The following AZI2 variants were observed in gnomAD, a reference collection of about 807,000 sequenced individuals.
AZI2 encodes 5-azacytidine induced 2.
Under a neutral mutation model 45.8 loss-of-function variants are expected in AZI2, and 22 were observed. That is an observed-to-expected ratio of 0.48 (90% CI 0.34 to 0.69). The LOEUF (loss-of-function observed/expected upper bound fraction) is 0.69, where lower values mean the gene tolerates loss of function less well. AZI2 is among the 30% of genes least tolerant of loss of function. The pLI, the probability that AZI2 is intolerant of heterozygous loss-of-function variation, is 0.01. For missense variants in AZI2, 417 were observed against 441.5 expected (o/e 0.94, Z 0.50); for synonymous variants, 137 against 156.7 (o/e 0.87, Z 0.94).
rs1210681846 is a variant in AZI2, at chr3:28,322,045, T to G, written c.*1997A>C. The G allele has an allele frequency of 6.6e-6, 1 of 151,300 alleles. No individual in the cohort carries two copies. The highest frequency in any genetic ancestry group is 1.5e-5 in the Non-Finnish European group (1 of 67,464). The allele number at this position is 151,300 out of a possible 1,614,324, so 9.4% of individuals were successfully genotyped here. ...AGATGGGCCACTGTTTTTTGGTTGT[T>G]TGAATTTTACCTAGAACAGAGATAT... On this transcript the variant is annotated 3_prime_UTR_variant, in exon 8 of 8. Transcript: ENST00000479665.
At chr3:28,341,008 A>C (rs1703995751) in intron 1 of AZI2, among the ~76,000 whole-genome samples, 1 of 152,030 alleles carries the variant, frequency 6.6e-6, no homozygotes, top group African/African-American at 2.4e-5. Context: ...ATTTCCACTT[A>C]GATCTATTAG....
chr3:28,326,504 T>TTC (rs1703396777), intron 7 of AZI2: 1 of 175,486 alleles, frequency 5.7e-6, no homozygotes, highest in South Asian at 1.4e-4. Flanking sequence ...TTTTTTTTTT[T>TTC]TCAAATATAT....
intron 1 of AZI2, 99 bp from the exon 2 acceptor site, chr3:28,340,721 G>T: frequency 2.1e-6 from 2 of 938,946 alleles, no homozygotes; most frequent in Non-Finnish European, 3.1e-6. Context: ...CTAGGACAAT[G>T]TTTAAAAACC....
At position 28,338,584 on chromosome 3, in the gene AZI2, G is replaced by C. The variant is rs200830891; in HGVS notation, c.248C>G (p.Ser83Cys). 4.3e-6 allele frequency: 7 copies of C among 1,610,064 alleles called. No homozygotes were observed. Among genetic ancestry groups the C allele is most frequent in the Non-Finnish European group, 5.9e-6 (7 of 1,178,004 alleles). The change falls in exon 3 of 8, where the codon TCC (serine) becomes TGC (cysteine). Residue 83 changes from serine to cysteine, a missense_variant. Coordinates refer to ENST00000479665, the MANE Select transcript of AZI2 (RefSeq NM_022461.5). Reference sequence around the variant, plus strand: ...CTTATTTACTTGTTCTCGTCCCACGGAACTTGTTTCTTCTTCAAATCGAGC... The same window carrying C: ...CTTATTTACTTGTTCTCGTCCCACGCAACTTGTTTCTTCTTCAAATCGAGC... The part of the protein sequence containing the change: ...LIARFEEETS[S>C]VGREQVNKAY...
intron 6 of AZI2, chr3:28,331,943 C>T (rs1452962440): frequency 1.3e-6 from 2 of 1,534,746 alleles, no homozygotes; most frequent in Admixed American, 2.0e-5. Context: ...GGCTGTGCTA[C>T]AGATACTCTG....
chr3:28,327,075 A>C, intron 6 of AZI2, 125 bp from the exon 7 acceptor site: 1 of 640,174 alleles, frequency 1.6e-6, no homozygotes, highest in South Asian at 2.0e-5. Flanking sequence ...TAAACTGAAA[A>C]AAACAATTGA....
intron 2 of AZI2, among the ~76,000 whole-genome samples, chr3:28,339,631 T>A (rs1162581855): frequency 2.0e-5 from 3 of 152,188 alleles, no homozygotes; most frequent in Non-Finnish European, 4.4e-5. Flanking sequence ...AAGTTTTTTT[T>A]ATATAGGATA....
chr3:28,339,684 G>A (rs999729950), intron 2 of AZI2, among the ~76,000 whole-genome samples: 2 of 151,978 alleles, frequency 1.3e-5, no homozygotes. Flanking sequence ...ACAGGACAAT[G>A]CATTCTTTAC....
Position 28,340,415 on chromosome 3 carries a change from A to C in AZI2, c.203T>G (p.Phe68Cys). The change falls in exon 2 of 8, where the codon TTT becomes TGT. Residue 68 changes from phenylalanine (F) to cysteine (C), a missense_variant. Transcript: ENST00000479665. ...GATAAAAATTACCTTTTCTTCCAAA[A>C]ATCTTATTCTCTTCTTTAACAAAGA... ...ENSLLKKRIR[F>C]LEEKLIARFE... 1 of 1,585,418 alleles carries C rather than the reference A, an allele frequency of 6.3e-7. No homozygotes were observed.
intron 6 of AZI2, 155 bp from the exon 7 acceptor site, chr3:28,327,105 TTAA>T (rs1196779795): frequency 1.0e-5 from 6 of 571,706 alleles, no homozygotes; most frequent in African/African-American, 1.9e-5. Flanking sequence ...AACTAGGGCA[TTAA>T]TAAGTGAAAA....
At chr3:28,331,998 C>G in intron 6 of AZI2, 1 of 1,193,604 alleles carries the variant, frequency 8.4e-7, no homozygotes. Context: ...CATGCTATCC[C>G]AAAGACTAAC....
intron 5 of AZI2, among the ~76,000 whole-genome samples, chr3:28,336,513 A>G (rs1394661947): frequency 2.0e-5 from 3 of 152,090 alleles, no homozygotes; most frequent in Non-Finnish European, 2.9e-5. Context: ...ACCTTTTAAA[A>G]AACAAAATTG....
intron 1 of AZI2, among the ~76,000 whole-genome samples, chr3:28,342,414 G>GCTA (rs1487925428): frequency 1.3e-5 from 2 of 151,932 alleles, no homozygotes; most frequent in Non-Finnish European, 2.9e-5. Flanking sequence ...AATAGACTAT[G>GCTA]CTATCTACAG....
chr3:28,338,222 T>TAA (rs547484899), intron 3 of AZI2, among the ~76,000 whole-genome samples, 186 bp from the exon 4 acceptor site: 1 of 141,364 alleles, frequency 7.1e-6, no homozygotes, highest in African/African-American at 2.6e-5. Flanking sequence ...TTCACTGGCT[T>TAA]AAAAAAAAAA....
At chr3:28,334,274 TGAGCTAGA>T (rs1013128808) in intron 5 of AZI2, among the ~76,000 whole-genome samples, 1 of 151,868 alleles carries the variant, frequency 6.6e-6, no homozygotes, top group Non-Finnish European at 1.5e-5. Context: ...TAGACTAATG[TGAGCTAGA>T]GTAATATGGC....
At position 28,321,848 on chromosome 3, in the gene AZI2, A is replaced by T. The variant is rs1458062527; in HGVS notation, c.*2194T>A. ...AGCTAATAAGGGAGCAAGAGGAAGGAATAGGTGGCTTTTTGTTATGTTTTC... is the reference window on the plus strand; with the variant it reads ...AGCTAATAAGGGAGCAAGAGGAAGGTATAGGTGGCTTTTTGTTATGTTTTC... On this transcript the variant is annotated 3_prime_UTR_variant, in exon 8 of 8. Coordinates refer to ENST00000479665, the MANE Select transcript of AZI2 (RefSeq NM_022461.5). 1 of 151,344 alleles carries T rather than the reference A, an allele frequency of 6.6e-6. No individual in the cohort carries two copies. Among genetic ancestry groups the T allele is most frequent in the Non-Finnish European group, 1.5e-5 (1 of 67,516 alleles). 9.4% of individuals were successfully genotyped at this position (151,344 alleles called of 1,614,324 possible).
rs1703207873 is a variant in AZI2 at position 28,322,229 on chromosome 3, A to G, written c.*1813T>C. 1 of 151,274 alleles carries G rather than the reference A, an allele frequency of 6.6e-6. No individual in the cohort carries two copies. The highest frequency in any genetic ancestry group is 6.6e-5 in the Admixed American group (1 of 15,114). The allele number at this position is 151,274 out of a possible 1,614,324, so 9.4% of individuals were successfully genotyped here. A position where few individuals can be genotyped will look rare whatever the true frequency, so the allele number is the denominator to read the frequency against. On this transcript the variant is annotated 3_prime_UTR_variant, in exon 8 of 8. Transcript: ENST00000479665. ...TAGCTATCATCACTGTACTGTTTAA[A>G]TGGAAAATAATTTTCTCCACTCAAA...
At chr3:28,338,095 G>T in intron 3 of AZI2, 59 bp from the exon 4 acceptor site, 1 of 959,350 alleles carries the variant, frequency 1.0e-6, no homozygotes, top group East Asian at 2.8e-5. Flanking sequence ...TTGGTATATT[G>T]TAATTTTCAG....
At chr3:28,331,117 G>A (rs1703553908) in intron 6 of AZI2, among the ~76,000 whole-genome samples, 1 of 151,224 alleles carries the variant, frequency 6.6e-6, no homozygotes, top group African/African-American at 2.4e-5. Context: ...CCCAAATTAT[G>A]TAATCTCCCA....
Sources: allele counts gnomAD v4.1 joint callset (sites outside exome capture counted in the v4.1 genomes callset), GRCh38; gene constraint gnomAD v4.1.1; transcripts MANE v1.5; gene names NCBI Gene and HGNC (gene_info 2026-07-23, HGNC 2026-07-21).